NBDY: variants seen among roughly 807,000 people sequenced by gnomAD.
NBDY encodes P-body dissociating protein.
intron 2 of NBDY, among the ~76,000 whole-genome samples, chrX:56,764,786 G>C (rs1240744105): frequency 1.8e-5 from 2 of 109,877 alleles, no homozygotes; most frequent in Non-Finnish European, 3.8e-5. Flanking sequence ...GGTCACTTTG[G>C]GGGAACCGGC....
At position 56,792,066 on chromosome X, in the gene NBDY, A is replaced by T. The variant is rs2069767725; in HGVS notation, c.*167-25254A>T. Among the ~76,000 whole-genome samples the T allele has an allele frequency of 3.7e-5, 4 of 108,176 alleles. No individual in the cohort carries two copies. The Admixed American group carries it at 4.0e-4, about 11-fold the overall frequency. The allele number at this position is 108,176 out of a possible 115,157, so 93.9% of individuals were successfully genotyped here. A position where few individuals can be genotyped will look rare whatever the true frequency, so the allele number is the denominator to read the frequency against. On this transcript the variant is annotated intron_variant, in intron 2 of 2. Coordinates refer to ENST00000374922, the MANE Select transcript of NBDY (RefSeq NM_001348129.2). ...TTGGATTTGGGTGGGCAAGTGTTCT[A>T]GGAGACTGCTTCTTCTTTTGCTCCT...
chrX:56,806,676 G>T (rs934473156), intron 2 of NBDY, among the ~76,000 whole-genome samples: 2 of 111,650 alleles, frequency 1.8e-5, no homozygotes, highest in Non-Finnish European at 3.8e-5. Flanking sequence ...TTTTTTTCTT[G>T]TAAATTGGTT....
rs1490725311 is a variant in NBDY, at chrX:56,817,772, A to G, written c.*619A>G. 4.5e-5 allele frequency: 5 copies of G among 111,758 alleles called. No individual in the cohort carries two copies. The highest frequency in any genetic ancestry group is 9.4e-5 in the Non-Finnish European group (5 of 53,135). The allele number at this position is 111,758 out of a possible 1,213,427, so 9.2% of individuals were successfully genotyped here. A position where few individuals can be genotyped will look rare whatever the true frequency, so the allele number is the denominator to read the frequency against. On this transcript the variant is annotated 3_prime_UTR_variant, in exon 3 of 3. Transcript: ENST00000374922. ...AAAGTAGAGGAAGGTTAAATCCAAA[A>G]AAGAATTGTTTCCAGTACACTTTCT...
chrX:56,782,095 G>A (rs765937838), intron 2 of NBDY, among the ~76,000 whole-genome samples: 3 of 111,113 alleles, frequency 2.7e-5, no homozygotes, highest in Non-Finnish European at 5.7e-5. Context: ...TCCTTTAAAC[G>A]GGAGGTGACC....
At chrX:56,786,645 T>TTTCTTC (rs750759505) in intron 2 of NBDY, among the ~76,000 whole-genome samples, 21 of 103,466 alleles carry the variant, frequency 2.0e-4, no homozygotes, top group Non-Finnish European at 4.1e-4. Context: ...GCTTCTTCTT[T>TTTCTTC]TTCTTCTTCT....
chrX:56,784,652 G>A (rs1418689351), intron 2 of NBDY, among the ~76,000 whole-genome samples: 1 of 111,469 alleles, frequency 9.0e-6, no homozygotes, highest in Non-Finnish European at 1.9e-5. Flanking sequence ...GTGGATCCTG[G>A]AATGTGTTGG....
At chrX:56,733,264 A>G (rs976586478) in intron 2 of NBDY, among the ~76,000 whole-genome samples, 2 of 110,327 alleles carry the variant, frequency 1.8e-5, no homozygotes, top group African/African-American at 6.6e-5. Context: ...TTATGAAATC[A>G]TTACATTATT....
chrX:56,759,911 A>G (rs919367672), intron 2 of NBDY, among the ~76,000 whole-genome samples: 1 of 111,512 alleles, frequency 9.0e-6, no homozygotes, highest in Non-Finnish European at 1.9e-5. Context: ...GAGAATAAGA[A>G]CCCCTTGGCC....
intron 2 of NBDY, among the ~76,000 whole-genome samples, chrX:56,755,712 C>A (rs1459370992): frequency 1.8e-5 from 2 of 110,228 alleles, no homozygotes; most frequent in East Asian, 5.7e-4. Context: ...ACTAGTTGAA[C>A]CATTGTGGAA....
chrX:56,781,029 C>T (rs2069684284), intron 2 of NBDY, among the ~76,000 whole-genome samples: 1 of 111,015 alleles, frequency 9.0e-6, no homozygotes, highest in African/African-American at 3.3e-5. Flanking sequence ...TACCATCCAC[C>T]TCGGGGCCCC....
Position 56,746,516 on chromosome X carries a change from G to A in NBDY, c.*166+14317G>A, listed in dbSNP as rs1317076289. On this transcript the variant is annotated intron_variant, in intron 2 of 2. Transcript: ENST00000374922. ...AAAGAACATATTTATTATAGTTCTG[G>A]AGGCCAGAAGCCTGCTATGGGTCTC... Among the ~76,000 whole-genome samples the A allele has an allele frequency of 2.7e-5, 3 of 110,975 alleles. No homozygotes were observed. In the Admixed American group the frequency reaches 2.9e-4, roughly 11 times the overall value.
chrX:56,755,128 C>G (rs1341339087), intron 2 of NBDY, among the ~76,000 whole-genome samples: 1 of 111,604 alleles, frequency 9.0e-6, no homozygotes, highest in Non-Finnish European at 1.9e-5. Context: ...ACACCTTATA[C>G]AAAAGTTAAT....
intron 2 of NBDY, among the ~76,000 whole-genome samples, chrX:56,764,067 C>T (rs1467706756): frequency 1.8e-5 from 2 of 112,205 alleles, no homozygotes; most frequent in Non-Finnish European, 1.9e-5. Context: ...CCAAGCTGGC[C>T]CTTGGCCTGT....
chrX:56,761,378 G>C (rs772949847), intron 2 of NBDY, among the ~76,000 whole-genome samples: 1 of 112,863 alleles, frequency 8.9e-6, no homozygotes, highest in African/African-American at 3.2e-5. Flanking sequence ...GAGGGTGCGG[G>C]ATGTGTTGGG....
chrX:56,746,471 A>T (rs1249397697), intron 2 of NBDY, among the ~76,000 whole-genome samples: 1 of 111,258 alleles, frequency 9.0e-6, no homozygotes, highest in African/African-American at 3.3e-5. Context: ...TAACAAAATG[A>T]TCACAAATTT....
chrX:56,764,116 T>C (rs761080348), intron 2 of NBDY, among the ~76,000 whole-genome samples: 97 of 111,466 alleles, frequency 8.7e-4, no homozygotes, highest in African/African-American at 3.1e-3. Context: ...CACAGCTCTC[T>C]CCGAAAAAAA....
intron 2 of NBDY, among the ~76,000 whole-genome samples, chrX:56,810,385 C>T (rs927879734): frequency 1.8e-5 from 2 of 111,204 alleles, no homozygotes; most frequent in Non-Finnish European, 3.8e-5. Flanking sequence ...TCACGTACAC[C>T]AATCAAATGT....
At chrX:56,816,448 A>G (rs767680666) in intron 2 of NBDY, among the ~76,000 whole-genome samples, 101 of 111,487 alleles carry the variant, frequency 9.1e-4, no homozygotes, top group Middle Eastern at 5.6e-3. Flanking sequence ...AATTCTACAT[A>G]TCAATAAATT....
At chrX:56,740,454 AGT>A (rs1164137999) in intron 2 of NBDY, among the ~76,000 whole-genome samples, 2 of 111,639 alleles carry the variant, frequency 1.8e-5, no homozygotes, top group African/African-American at 6.5e-5. Context: ...TTTTGCGTGT[AGT>A]GTTCTGTTCA....
Sources: gnomAD v4.1 joint callset for allele counts (sites outside exome capture counted in the v4.1 genomes callset) on GRCh38, gnomAD v4.1.1 for gene constraint, MANE v1.5 for transcripts, NCBI Gene and HGNC (gene_info 2026-07-23, HGNC 2026-07-21) for gene names.